FAM81A: variants seen among roughly 807,000 people sequenced by gnomAD.
The protein encoded by FAM81A is protein FAM81A.
In FAM81A, 19 loss-of-function variants were observed where a neutral mutation model predicts 46.7. The observed-to-expected ratio is 0.41, with a 90% CI of 0.28 to 0.60. The LOEUF is 0.60. FAM81A is among the 20% of genes least tolerant of loss of function. FAM81A has a pLI of 0.34. For synonymous variants in FAM81A, 183 were observed against 152.9 expected (o/e 1.20, Z -1.45); for missense variants, 377 against 453.5 (o/e 0.83, Z 1.53).
chr15:59,448,615 T>A, intron 1 of FAM81A, among the ~76,000 whole-genome samples: 1 of 152,108 alleles, frequency 6.6e-6, no homozygotes, highest in East Asian at 1.9e-4. Context: ...ACCTTAACAT[T>A]ATATAGCAAG....
At position 59,482,292 on chromosome 15, in the gene FAM81A, G is replaced by A. The variant is rs184408927; in HGVS notation, c.295-9979G>A. ...CTATTTTGTTTTGTTTTTTGAGATG[G>A]GGTTTTGCTCTTGTCATCCAGGCTG... is the stretch of plus-strand genomic sequence containing the variant. On this transcript the variant is annotated intron_variant, in intron 3 of 8. Transcript: ENST00000288228. Among the ~76,000 whole-genome samples the A allele has an allele frequency of 4.6e-5, 7 of 152,194 alleles. No homozygotes were observed. The East Asian group carries it at 1.4e-3, about 29-fold the overall frequency.
intron 3 of FAM81A, among the ~76,000 whole-genome samples, chr15:59,474,492 C>T (rs2141689434): frequency 6.6e-6 from 1 of 152,246 alleles, no homozygotes; most frequent in East Asian, 1.9e-4. Flanking sequence ...GACCTCCTCC[C>T]ATAAACCCTT....
At chr15:59,441,230 A>G (rs1442239397) in intron 1 of FAM81A, among the ~76,000 whole-genome samples, 1 of 151,606 alleles carries the variant, frequency 6.6e-6, no homozygotes, top group Non-Finnish European at 1.5e-5. Context: ...GTCCTTCCCT[A>G]CTCTGCCCCA....
chr15:59,429,694 A>T (rs1205487913), intron 2 of FAM81A, among the ~76,000 whole-genome samples: 1 of 152,220 alleles, frequency 6.6e-6, no homozygotes, highest in Non-Finnish European at 1.5e-5. Flanking sequence ...GATTTATTTT[A>T]AAAAGAATGT....
At chr15:59,470,165 G>T (rs1046786939) in intron 3 of FAM81A, among the ~76,000 whole-genome samples, 1 of 152,138 alleles carries the variant, frequency 6.6e-6, no homozygotes, top group Non-Finnish European at 1.5e-5. Flanking sequence ...TCAACCTTGT[G>T]AATCTGACAA....
In FAM81A at chr15:59,508,986, T is replaced by C; in HGVS notation, c.650+17T>C. The C allele has an allele frequency of 6.3e-7, 1 of 1,586,934 alleles. No homozygotes were observed. The highest frequency in any genetic ancestry group is 8.6e-7 in the Non-Finnish European group (1 of 1,165,708). On this transcript the variant is annotated intron_variant, in intron 6 of 8. Coordinates refer to ENST00000288228, the MANE Select transcript of FAM81A (RefSeq NM_152450.3). ...GGACACTAAGTAAGCAATCAATTTA[T>C]TAAAAAAATAAAACTTAAAGTTCTT...
chr15:59,511,893 C>T (rs1395549926), intron 6 of FAM81A, among the ~76,000 whole-genome samples: 5 of 152,230 alleles, frequency 3.3e-5, no homozygotes, highest in South Asian at 2.1e-4. Flanking sequence ...TCGTGATCTG[C>T]CCACCTCGGC....
At chr15:59,485,573 C>G (rs904878579) in intron 3 of FAM81A, among the ~76,000 whole-genome samples, 3 of 152,200 alleles carry the variant, frequency 2.0e-5, no homozygotes, top group Non-Finnish European at 2.9e-5. Flanking sequence ...GGGGTACCCC[C>G]TAATGCAGAT....
chr15:59,484,685 AC>A (rs2081895628), intron 3 of FAM81A, among the ~76,000 whole-genome samples: 1 of 152,226 alleles, frequency 6.6e-6, no homozygotes, highest in African/African-American at 2.4e-5. Flanking sequence ...GTGCCTCTGC[AC>A]TTTCACAGCC....
chr15:59,411,887 T>TCAACAA (rs76002558), intron 2 of FAM81A, among the ~76,000 whole-genome samples: 3 of 151,236 alleles, frequency 2.0e-5, no homozygotes, highest in African/African-American at 2.4e-5. Context: ...GCAATCCGTC[T>TCAACAA]CAACAACAAC....
upstream of FAM81A, among the ~76,000 whole-genome samples, chr15:59,434,290 C>A (rs2081233759): frequency 6.6e-6 from 1 of 152,214 alleles, no homozygotes; most frequent in Admixed American, 6.5e-5. Flanking sequence ...TATAAATATG[C>A]AGAGACTATT....
Position 59,508,906 on chromosome 15 carries a change from A to G in FAM81A, c.587A>G (p.Gln196Arg). 6.2e-7 allele frequency: 1 copy of G among 1,613,570 alleles called. No individual in the cohort carries two copies. The highest frequency in any genetic ancestry group is 2.2e-5 in the East Asian group (1 of 44,824). The change falls in exon 6 of 9, where the codon CAG (glutamine) becomes CGG (arginine). Residue 196 changes from glutamine to arginine, a missense_variant. Gln to Arg is a conservative substitution (Grantham distance 43). Coordinates refer to ENST00000288228, the MANE Select transcript of FAM81A (RefSeq NM_152450.3). Reference sequence around the variant, plus strand: ...AGAGTGGACTTGTCAATATCAGAGCAGAGCACCAAACTGAAGATGTCTCAC... The same window carrying G: ...AGAGTGGACTTGTCAATATCAGAGCGGAGCACCAAACTGAAGATGTCTCAC... Reference protein sequence around the residue: ...LNRVDLSISEQSTKLKMSHRD... With the variant: ...LNRVDLSISERSTKLKMSHRD...
chr15:59,488,578 G>C (rs897651884), intron 3 of FAM81A, among the ~76,000 whole-genome samples: 1 of 152,178 alleles, frequency 6.6e-6, no homozygotes, highest in African/African-American at 2.4e-5. Flanking sequence ...AAAATTTCAG[G>C]ATACAAAATC....
intron 1 of FAM81A, among the ~76,000 whole-genome samples, chr15:59,456,288 G>C (rs562870228): frequency 2.6e-5 from 4 of 152,014 alleles, no homozygotes; most frequent in African/African-American, 9.7e-5. Flanking sequence ...ATGGGGTGGC[G>C]GGGGCGGGGG....
chr15:59,441,892 G>A (rs190259310), intron 1 of FAM81A, among the ~76,000 whole-genome samples: 81 of 152,336 alleles, frequency 5.3e-4, no homozygotes, highest in African/African-American at 1.8e-3. Flanking sequence ...TGAGCCCGCA[G>A]TAGTATTTAA....
chr15:59,517,111 G>A (rs1596550907), intron 8 of FAM81A, among the ~76,000 whole-genome samples: 1 of 152,196 alleles, frequency 6.6e-6, no homozygotes, highest in African/African-American at 2.4e-5. Context: ...AGCACCATCG[G>A]CCAATTCTTT....
At chr15:59,467,032 T>C (rs1313043088) in intron 3 of FAM81A, among the ~76,000 whole-genome samples, 1 of 152,230 alleles carries the variant, frequency 6.6e-6, no homozygotes, top group Non-Finnish European at 1.5e-5. Context: ...TGTGGTATTA[T>C]TTCTGAGGCC....
chr15:59,423,782 T>C (rs181335745), intron 2 of FAM81A, among the ~76,000 whole-genome samples: 1 of 152,366 alleles, frequency 6.6e-6, no homozygotes. Context: ...TATATTTAAT[T>C]ACTCACGGGT....
intron 3 of FAM81A, among the ~76,000 whole-genome samples, chr15:59,467,970 G>T (rs1444038954): frequency 6.6e-6 from 1 of 152,176 alleles, no homozygotes; most frequent in Non-Finnish European, 1.5e-5. Flanking sequence ...AGATAATCAT[G>T]TGGGTTTTGT....
Sources: allele counts gnomAD v4.1 joint callset (sites outside exome capture counted in the v4.1 genomes callset), GRCh38; gene constraint gnomAD v4.1.1; transcripts MANE v1.5; gene names NCBI Gene and HGNC (gene_info 2026-07-23, HGNC 2026-07-21).